Variants in CDK16 observed in about 807,000 individuals in gnomAD.
The protein encoded by CDK16 is cyclin dependent kinase 16, also known as cyclin-dependent kinase 16.
Under a neutral mutation model 41.6 loss-of-function variants are expected in CDK16, and 2 were observed. The observed-to-expected ratio is 0.05, with a 90% CI of 0.02 to 0.15. The LOEUF is 0.15. Among genes scored for constraint, CDK16 ranks in the 10% least tolerant of loss-of-function variants. The pLI is 1.00. For missense variants in CDK16, 228 were observed against 428.9 expected, an observed-to-expected ratio of 0.53 and a Z score of 4.14; for synonymous variants, 169 against 169.7, an observed-to-expected ratio of 1.00 and a Z score of 0.03.
At position 47,227,018 on chromosome X, in the gene CDK16, C is replaced by T. The variant is rs748535931; in HGVS notation, c.1160C>T (p.Pro387Leu). 2.5e-6 allele frequency: 3 copies of T among 1,211,884 alleles called. No homozygotes were observed. The highest frequency in any genetic ancestry group is 4.3e-5 in the Admixed American group (2 of 46,106). The part of the protein sequence containing the change: ...ILGTPTEETW[P>L]GILSNEEFKT... The stretch of plus-strand genomic sequence containing the variant: ...GGAACCCCAACTGAGGAGACGTGGC[C>T]AGGCATCCTGTCCAACGAGGAGTTC... The change falls in exon 12 of 16, where the codon CCA becomes CTA. Residue 387 changes from proline (P) to leucine (L), a missense_variant. Coordinates refer to ENST00000357227, the MANE Select transcript of CDK16 (RefSeq NM_006201.5).
Position 47,218,940 on chromosome X carries a change from T to A in CDK16, c.-172T>A. ...CGCCGCCGCCGCCGCCTCCTCCTCC[T>A]CAGCCGGCGGCGGCCCGGGCCCAGC... On this transcript the variant is annotated 5_prime_UTR_variant, in exon 1 of 16. Transcript: ENST00000357227. The A allele has an allele frequency of 1.0e-6, 1 of 994,126 alleles. No individual in the cohort carries two copies. The highest frequency in any genetic ancestry group is 5.3e-5 in the East Asian group (1 of 18,912). The allele number at this position is 994,126 out of a possible 1,213,427, so 81.9% of individuals were successfully genotyped here.
intron 6 of CDK16, 62 bp from the exon 7 acceptor site, chrX:47,225,710 C>T (rs1156687640): frequency 2.3e-6 from 2 of 852,505 alleles, no homozygotes; most frequent in Admixed American, 4.5e-5. Flanking sequence ...TCCTTGTCCT[C>T]ACCTCTGTCC....
chrX:47,223,351 T>A (rs1180994022), intron 1 of CDK16: 16 of 1,117,771 alleles, frequency 1.4e-5, no homozygotes, highest in Non-Finnish European at 1.8e-5. Context: ...GGGCTGGCTG[T>A]GTGGGTGGGC....
At chrX:47,218,612 A>G, upstream of CDK16, 1 of 1,162,524 alleles carries the variant, frequency 8.6e-7, no homozygotes. Context: ...TGGGCTCGCG[A>G]TGGCCGCGTC....
chrX:47,226,565 C>G lies in CDK16; in HGVS notation c.917-18C>G, dbSNP rs1256938444. 5 of 1,208,789 alleles carry G rather than the reference C, an allele frequency of 4.1e-6. No individual in the cohort carries two copies. The highest frequency in any genetic ancestry group is 2.3e-4 in the Middle Eastern group (1 of 4,313). On this transcript the variant is annotated intron_variant, in intron 9 of 15. Coordinates refer to ENST00000357227, the MANE Select transcript of CDK16 (RefSeq NM_006201.5). ...CCCATGACTCCCTCATTCTAGCTGT[C>G]CTTTCTCTGATTTCCAGGCCTGGCC...
Position 47,229,226 on chromosome X carries a change from A to G in CDK16, c.*458A>G, listed in dbSNP as rs1187236424. On this transcript the variant is annotated 3_prime_UTR_variant, in exon 16 of 16. Transcript: ENST00000357227. ...CTTTCCTGCCTGCCCCACCTGCCTCATATTGTGTGGGCCTTTTTTTGTTTG... is the reference window on the plus strand; with the variant it reads ...CTTTCCTGCCTGCCCCACCTGCCTCGTATTGTGTGGGCCTTTTTTTGTTTG... 4.2e-6 allele frequency: 1 copy of G among 236,963 alleles called. No homozygotes were observed. Among genetic ancestry groups the G allele is most frequent in the African/African-American group, 3.0e-5 (1 of 33,085 alleles). The allele number at this position is 236,963 out of a possible 1,213,427, so 19.5% of individuals were successfully genotyped here. A position where few individuals can be genotyped will look rare whatever the true frequency, so the allele number is the denominator to read the frequency against.
chrX:47,227,303 G>A, intron 13 of CDK16, 76 bp from the exon 14 acceptor site: 1 of 1,103,877 alleles, frequency 9.1e-7, no homozygotes, highest in Non-Finnish European at 1.2e-6. Flanking sequence ...CAAACCAGGG[G>A]CAGGGTCTGA....
intron 4 of CDK16, 27 bp from the exon 5 acceptor site, chrX:47,224,807 C>A: frequency 8.3e-7 from 1 of 1,211,263 alleles, no homozygotes; most frequent in Non-Finnish European, 1.1e-6. Flanking sequence ...CCTGAGCCAG[C>A]TTTAACCTGC....
rs1409656929 is a variant in CDK16 at position 47,228,594 on chromosome X, T to A, written c.1403T>A (p.Ile468Asn). The A allele has an allele frequency of 8.3e-7, 1 of 1,209,193 alleles. No individual in the cohort carries two copies. Among genetic ancestry groups the A allele is most frequent in the Non-Finnish European group, 1.1e-6 (1 of 894,506 alleles). ...DTTSIFALKEIQLQKEASLRS... is the reference protein window; with the variant it reads ...DTTSIFALKENQLQKEASLRS... ...ACTTCCATATTTGCACTAAAGGAGA[T>A]TCAGCTACAAAAGGAGGCCAGCCTT... The change falls in exon 15 of 16, where the codon ATT becomes AAT. Residue 468 changes from isoleucine to asparagine, a missense_variant. Physicochemically the swap from Ile to Asn is moderately radical, Grantham distance 149 (BLOSUM62 -3). Around this residue, in one of 3 missense-constraint regions of CDK16, gnomAD observed 91 missense variants for 129.5 expected, o/e 0.70. Transcript: ENST00000357227.
chrX:47,225,986 C>G lies in CDK16; in HGVS notation c.751C>G (p.Leu251Val). ...EYLDKDLKQY[L>V]DDCGNIINMH... The stretch of plus-strand genomic sequence containing the variant: ...TCAGGACAAGGACCTGAAGCAGTAC[C>G]TGGATGACTGTGGGAACATCATCAA... The change falls in exon 8 of 16, where the codon CTG becomes GTG. Residue 251 changes from leucine to valine, a missense_variant. By Grantham distance (32) the Leu-to-Val change is conservative (BLOSUM62 1). Transcript: ENST00000357227. The G allele has an allele frequency of 1.7e-6, 2 of 1,203,364 alleles. No homozygotes were observed. The highest frequency in any genetic ancestry group is 2.2e-6 in the Non-Finnish European group (2 of 890,860).
intron 1 of CDK16, chrX:47,222,970 C>CGGG: frequency 1.1e-6 from 1 of 875,926 alleles, no homozygotes; most frequent in Non-Finnish European, 1.5e-6. Flanking sequence ...CCCCCCCCAC[C>CGGG]TGGGTAGATG....
intron 14 of CDK16, 171 bp from the exon 15 acceptor site, chrX:47,228,396 T>A: frequency 2.3e-6 from 1 of 435,860 alleles, no homozygotes; most frequent in Non-Finnish European, 4.0e-6. Context: ...ATAGTCTATA[T>A]TTCATCTTCC....
At chrX:47,228,476 C>T in intron 14 of CDK16, 91 bp from the exon 15 acceptor site, 3 of 749,360 alleles carry the variant, frequency 4.0e-6, no homozygotes, top group South Asian at 4.7e-5. Flanking sequence ...GAAGGGGCAG[C>T]TTTTTCTAAT....
At chrX:47,222,868 A>C in intron 1 of CDK16, 4 of 331,731 alleles carry the variant, frequency 1.2e-5, no homozygotes, top group Non-Finnish European at 1.5e-5. Flanking sequence ...AGCCCTGAGA[A>C]GAGCTGGTGT....
At position 47,226,603 on chromosome X, in the gene CDK16, A is replaced by G. The variant is rs1204770122; in HGVS notation, c.937A>G (p.Ile313Val). ...ADFGLARAKS[I>V]PTKTYSNEVV... ...TCCAGGCCTGGCCCGAGCCAAGTCA[A>G]TCCCAACAAAGACATACTCCAATGA... Residue 313 changes from isoleucine (I) to valine (V), a missense_variant, in exon 10 of 16, where the codon ATC becomes GTC. Around this residue, in one of 3 missense-constraint regions of CDK16, gnomAD observed 66 missense variants for 197.2 expected, o/e 0.33. Coordinates refer to ENST00000357227, the MANE Select transcript of CDK16 (RefSeq NM_006201.5). 4 of 1,209,903 alleles carry G rather than the reference A, an allele frequency of 3.3e-6. No individual in the cohort carries two copies. Among genetic ancestry groups the G allele is most frequent in the South Asian group, 1.8e-5 (1 of 56,735 alleles).
At chrX:47,218,481 C>T, upstream of CDK16, 2 of 670,196 alleles carry the variant, frequency 3.0e-6, no homozygotes, top group Non-Finnish European at 4.3e-6. Flanking sequence ...ATTGACGCGC[C>T]AGGTTACTGG....
chrX:47,222,342 G>A (rs1037063891), intron 1 of CDK16: 6 of 111,369 alleles, frequency 5.4e-5, no homozygotes, highest in East Asian at 5.6e-4. Flanking sequence ...TAGTTGTGGC[G>A]GTGAGGAGAT....
At position 47,222,744 on chromosome X, in the gene CDK16, C is replaced by T. The variant is rs753121496; in HGVS notation, c.-6-808C>T. The T allele has an allele frequency of 1.0e-3, 195 of 186,147 alleles. 1 individual carries two copies. Among genetic ancestry groups the T allele is most frequent in the African/African-American group, 5.4e-3 (180 of 33,262 alleles). The allele number at this position is 186,147 out of a possible 1,213,427, so 15.3% of individuals were successfully genotyped here. A position where few individuals can be genotyped will look rare whatever the true frequency, so the allele number is the denominator to read the frequency against. On this transcript the variant is annotated intron_variant, in intron 1 of 15. Transcript: ENST00000357227. Reference sequence around the variant, plus strand: ...CTGTGGGCCACATTGAGGACTGGGGCGTGTATTTGGGGTGATGAAAAATGT... The same window carrying T: ...CTGTGGGCCACATTGAGGACTGGGGTGTGTATTTGGGGTGATGAAAAATGT...
chrX:47,226,254 C>T, intron 8 of CDK16, 25 bp from the exon 9 acceptor site: 9 of 1,210,169 alleles, frequency 7.4e-6, no homozygotes, highest in Non-Finnish European at 1.0e-5. Context: ...TCTTTGACCT[C>T]TGCCTGCCAT....
Sources: gnomAD v4.1 joint callset for allele counts on GRCh38, gnomAD v4.1.1 for gene constraint, gnomAD v4.1.1 regional missense constraint, MANE v1.5 for transcripts, NCBI Gene and HGNC (gene_info 2026-07-23, HGNC 2026-07-21) for gene names.